Variants in EYS observed in about 807,000 individuals in gnomAD.
EYS encodes protein eyes shut homolog.
EYS carries 250 observed loss-of-function variants against 282.1 expected under a neutral mutation model. The ratio of observed to expected loss-of-function variants is 0.89; its 90% CI spans 0.80 to 0.98. The LOEUF (loss-of-function observed/expected upper bound fraction) is 0.98, where lower values mean the gene tolerates loss of function less well. Among genes scored for constraint, EYS ranks in the 50% least tolerant of loss-of-function variants. The pLI is 0.00. For missense variants in EYS, 4,016 were observed against 3,709.0 expected, an observed-to-expected ratio of 1.08 and a Z score of -2.15; for synonymous variants, 1,355 against 1,282.9, an observed-to-expected ratio of 1.06 and a Z score of -1.20.
At chr6:65,671,032 T>C (rs1647678924) in intron 1 of EYS, among the ~76,000 whole-genome samples, 1 of 152,104 alleles carries the variant, frequency 6.6e-6, no homozygotes. Flanking sequence ...TTATTATAAC[T>C]TGAGATAGTC....
intron 15 of EYS, among the ~76,000 whole-genome samples, chr6:64,944,550 G>A (rs1769208651): frequency 6.6e-6 from 1 of 151,992 alleles, no homozygotes; most frequent in South Asian, 2.1e-4. Context: ...TTGAAAGCGG[G>A]GTATTGTCCA....
chr6:63,722,299 T>TGG (rs898103930), intron 42 of EYS, among the ~76,000 whole-genome samples: 7 of 152,124 alleles, frequency 4.6e-5, no homozygotes, highest in Non-Finnish European at 8.8e-5. Context: ...CGCCACCCCA[T>TGG]TCCACCTCAA....
At chr6:64,120,183 T>C (rs1209663480) in intron 31 of EYS, among the ~76,000 whole-genome samples, 8 of 136,500 alleles carry the variant, frequency 5.9e-5, no homozygotes, top group African/African-American at 2.0e-4. Context: ...CTGTCTCTAC[T>C]AAAAAAAAAA....
rs761599291 is a variant in EYS, at chr6:64,518,627, G to A, written c.5644+71596C>T. Among the ~76,000 whole-genome samples, 16 of 151,680 alleles carry A rather than the reference G, an allele frequency of 1.1e-4. No homozygotes were observed. The East Asian group carries it at 1.2e-3, about 11-fold the overall frequency. On this transcript the variant is annotated intron_variant, in intron 26 of 42. Coordinates refer to ENST00000503581, the MANE Select transcript of EYS (RefSeq NM_001142800.2). ...GACGGGAATGATATGGTTTGGCTGCGTCCCCACCGAAATCTCATCTTGAAT... is the reference window on the plus strand; with the variant it reads ...GACGGGAATGATATGGTTTGGCTGCATCCCCACCGAAATCTCATCTTGAAT...
At chr6:65,548,769 C>T (rs1407973187) in intron 2 of EYS, among the ~76,000 whole-genome samples, 1 of 152,176 alleles carries the variant, frequency 6.6e-6, no homozygotes, top group Non-Finnish European at 1.5e-5. Context: ...CTATGAAGCC[C>T]TGCTTCAGCA....
intron 12 of EYS, among the ~76,000 whole-genome samples, chr6:65,080,363 G>T (rs1450878813): frequency 6.6e-6 from 1 of 152,064 alleles, no homozygotes; most frequent in East Asian, 1.9e-4. Context: ...TTTGGCTGAA[G>T]TTGTCCTTAA....
intron 2 of EYS, among the ~76,000 whole-genome samples, chr6:65,499,916 T>G (rs950057084): frequency 6.6e-6 from 1 of 152,020 alleles, no homozygotes; most frequent in East Asian, 1.9e-4. Flanking sequence ...CTGTCTTGAT[T>G]ATGACAATGA....
chr6:65,472,085 T>C (rs933967163), intron 5 of EYS, among the ~76,000 whole-genome samples: 2 of 152,118 alleles, frequency 1.3e-5, no homozygotes, highest in African/African-American at 4.8e-5. Flanking sequence ...ACTAACATCA[T>C]ATTGTCAGTT....
At chr6:64,863,894 G>A (rs1174593185) in intron 19 of EYS, among the ~76,000 whole-genome samples, 1 of 152,080 alleles carries the variant, frequency 6.6e-6, no homozygotes, top group Non-Finnish European at 1.5e-5. Flanking sequence ...TACCTTCCCT[G>A]TAAGTCCAAC....
intron 31 of EYS, among the ~76,000 whole-genome samples, chr6:64,170,195 C>T (rs887287156): frequency 9.2e-5 from 14 of 152,118 alleles, no homozygotes; most frequent in African/African-American, 3.1e-4. Flanking sequence ...CATTTGCTGC[C>T]TTTTTATATA....
At chr6:64,386,414 T>G (rs76278442) in intron 29 of EYS, among the ~76,000 whole-genome samples, 1 of 152,142 alleles carries the variant, frequency 6.6e-6, no homozygotes, top group Non-Finnish European at 1.5e-5. Context: ...GCAAGAGAGC[T>G]TGTGCAGGGG....
At chr6:65,331,555 T>A in intron 11 of EYS, 2 of 966,592 alleles carry the variant, frequency 2.1e-6, no homozygotes, top group Non-Finnish European at 2.5e-6. Flanking sequence ...CAAGAACTCA[T>A]TAAAGTGTTG....
chr6:63,958,430 T>C (rs1765913236), intron 35 of EYS, among the ~76,000 whole-genome samples: 1 of 96,062 alleles, frequency 1.0e-5, no homozygotes, highest in Non-Finnish European at 2.8e-5. Flanking sequence ...GTTTGAATGT[T>C]TGTGGCCCCC....
intron 15 of EYS, among the ~76,000 whole-genome samples, chr6:64,940,205 A>T (rs531502145): frequency 6.6e-6 from 1 of 152,138 alleles, no homozygotes; most frequent in African/African-American, 2.4e-5. Flanking sequence ...TTTTATTTAG[A>T]TATCCCTGTG....
intron 1 of EYS, among the ~76,000 whole-genome samples, chr6:65,642,739 T>C (rs1767321652): frequency 6.6e-6 from 1 of 152,232 alleles, no homozygotes; most frequent in African/African-American, 2.4e-5. Context: ...TTTCTTTTCT[T>C]ACAAGACCTG....
chr6:63,992,998 T>C (rs1490485733), intron 34 of EYS, among the ~76,000 whole-genome samples: 2 of 151,792 alleles, frequency 1.3e-5, no homozygotes, highest in African/African-American at 4.8e-5. Context: ...AGTGTTTGGT[T>C]CTTCCTGCGT....
chr6:65,358,025 T>C (rs1406427012), intron 8 of EYS, among the ~76,000 whole-genome samples: 4 of 152,008 alleles, frequency 2.6e-5, no homozygotes, highest in Non-Finnish European at 1.5e-5. Context: ...TCTGTTAAGA[T>C]ATCTTAAGTT....
chr6:65,042,314 C>A (rs1026091079), intron 13 of EYS, among the ~76,000 whole-genome samples: 2 of 151,418 alleles, frequency 1.3e-5, no homozygotes, highest in African/African-American at 4.8e-5. Flanking sequence ...GATGAATAAT[C>A]TATACCTCGG....
chr6:63,997,411 G>A (rs1052322791), intron 34 of EYS, among the ~76,000 whole-genome samples: 1 of 152,178 alleles, frequency 6.6e-6, no homozygotes, highest in Admixed American at 6.5e-5. Context: ...TGAGCTTTGG[G>A]GTTAACACAA....
Sources: allele counts gnomAD v4.1 joint callset (sites outside exome capture counted in the v4.1 genomes callset), GRCh38; gene constraint gnomAD v4.1.1; transcripts MANE v1.5; gene names NCBI Gene and HGNC (gene_info 2026-07-23, HGNC 2026-07-21).